BRD10: variants seen among roughly 807,000 people sequenced by gnomAD.
The protein encoded by BRD10 is uncharacterized bromodomain-containing protein 10.
the BRD10 span, chr9:6,007,930 G>C: frequency 1.3e-5 from 17 of 1,332,376 alleles, no homozygotes; most frequent in East Asian, 6.2e-5. Context: ...CCGCCGGCTC[G>C]GCTCGGTGCG....
At chr9:5,888,155 G>C in the BRD10 span, among the ~76,000 whole-genome samples, 1 of 152,140 alleles carries the variant, frequency 6.6e-6, no homozygotes, top group Non-Finnish European at 1.5e-5. Context: ...TATTCCGGTG[G>C]GGTTTTTTTT....
At chr9:5,913,504 A>G in the BRD10 span, among the ~76,000 whole-genome samples, 1 of 152,374 alleles carries the variant, frequency 6.6e-6, no homozygotes, top group Non-Finnish European at 1.5e-5. Context: ...TAAAAGCGCT[A>G]TCCCAAGAAG....
At chr9:5,922,313 G>C in the BRD10 span, 2 of 1,613,966 alleles carry the variant, frequency 1.2e-6, no homozygotes, top group Admixed American at 1.7e-5. Context: ...GGAGGAAATG[G>C]TCGGTGAAGC....
At chr9:5,927,734 C>T in the BRD10 span, among the ~76,000 whole-genome samples, 1 of 152,136 alleles carries the variant, frequency 6.6e-6, no homozygotes, top group African/African-American at 2.4e-5. Flanking sequence ...TCTTCCTTGA[C>T]TATCTTCCTG....
chr9:5,922,030 C>G, the BRD10 span: 1 of 1,613,984 alleles, frequency 6.2e-7, no homozygotes, highest in Non-Finnish European at 8.5e-7. Flanking sequence ...ATTTTGGCAC[C>G]AGAAATGCCT....
At chr9:5,948,585 G>T in the BRD10 span, among the ~76,000 whole-genome samples, 1 of 151,692 alleles carries the variant, frequency 6.6e-6, no homozygotes, top group Admixed American at 6.6e-5. Context: ...TAGAAATTAT[G>T]TCCTTTGGAT....
chr9:5,938,864 A>G, the BRD10 span, among the ~76,000 whole-genome samples: 1 of 152,208 alleles, frequency 6.6e-6, no homozygotes, highest in African/African-American at 2.4e-5. Context: ...AAATAAAACT[A>G]ATTTTAAGAA....
the BRD10 span, among the ~76,000 whole-genome samples, chr9:5,986,187 C>A: frequency 5.9e-3 from 894 of 152,264 alleles, 9 homozygotes; most frequent in African/African-American, 0.02. Context: ...TGTGTTCTCA[C>A]TGTTCAGCTC....
chr9:5,910,607 T>A, the BRD10 span: 2 of 152,274 alleles, frequency 1.3e-5, no homozygotes, highest in South Asian at 2.1e-4. Context: ...CCCCAGACTG[T>A]CACTCACTGA....
the BRD10 span, chr9:5,922,265 C>A: frequency 6.2e-7 from 1 of 1,613,826 alleles, no homozygotes; most frequent in Non-Finnish European, 8.5e-7. Flanking sequence ...ATTTGTAGAC[C>A]CATTTAGTGT....
chr9:5,920,252 G>A, the BRD10 span: 1 of 1,613,768 alleles, frequency 6.2e-7, no homozygotes, highest in Admixed American at 1.7e-5. Context: ...TTTTGGATTA[G>A]TAGATATAAG....
chr9:5,956,039 T>C, the BRD10 span, among the ~76,000 whole-genome samples: 3 of 152,130 alleles, frequency 2.0e-5, no homozygotes, highest in African/African-American at 4.8e-5. Context: ...CTGACTTATG[T>C]ATGGGAAGGT....
chr9:5,941,241 CTCTA>C, the BRD10 span, among the ~76,000 whole-genome samples: 4 of 152,130 alleles, frequency 2.6e-5, no homozygotes, highest in Non-Finnish European at 4.4e-5. Flanking sequence ...AATATCTTAG[CTCTA>C]TCTTTCAGGA....
chr9:5,980,105 A>C, the BRD10 span, among the ~76,000 whole-genome samples: 1 of 152,170 alleles, frequency 6.6e-6, no homozygotes, highest in Non-Finnish European at 1.5e-5. Flanking sequence ...AATATTATTC[A>C]ATGATTCCTT....
At chr9:5,993,537 C>T in the BRD10 span, among the ~76,000 whole-genome samples, 1 of 152,110 alleles carries the variant, frequency 6.6e-6, no homozygotes, top group Admixed American at 6.6e-5. Context: ...CCAGTGCTAG[C>T]CACAGCAGAG....
At chr9:5,968,511 G>A in the BRD10 span, 11 of 1,612,434 alleles carry the variant, frequency 6.8e-6, no homozygotes, top group East Asian at 6.7e-5. Context: ...CAAGGCCTGC[G>A]AATTCTAATT....
At chr9:6,007,961 C>G in the BRD10 span, 4 of 1,293,862 alleles carry the variant, frequency 3.1e-6, no homozygotes, top group South Asian at 2.4e-5. Flanking sequence ...TTGAGCTCAC[C>G]GCCGGCGGGG....
At chr9:5,936,182 C>T in the BRD10 span, among the ~76,000 whole-genome samples, 1 of 151,984 alleles carries the variant, frequency 6.6e-6, no homozygotes, top group African/African-American at 2.4e-5. Context: ...ATGGCAAAAC[C>T]CTGTCTCTAC....
chr9:5,945,057 T>C, the BRD10 span: 1 of 504,582 alleles, frequency 2.0e-6, no homozygotes, highest in Admixed American at 4.0e-5. Context: ...GAATTCACAA[T>C]TATTTTTCTC....
Sources: allele counts gnomAD v4.1 joint callset (sites outside exome capture counted in the v4.1 genomes callset), GRCh38; gene constraint gnomAD v4.1.1; transcripts MANE v1.5; gene names NCBI Gene and HGNC (gene_info 2026-07-23, HGNC 2026-07-21).